VKORC1L1: variants seen among roughly 807,000 people sequenced by gnomAD.
VKORC1L1 encodes vitamin K epoxide reductase complex subunit 1L1.
In VKORC1L1, 2 loss-of-function variants were observed where a neutral mutation model predicts 18.9. That is an observed-to-expected ratio of 0.11 (90% CI 0.04 to 0.33). The LOEUF (loss-of-function observed/expected upper bound fraction) is 0.33. VKORC1L1 is among the 10% of genes least tolerant of loss of function. The pLI, the probability that VKORC1L1 is intolerant of heterozygous loss-of-function variation, is 1.00. For missense variants in VKORC1L1, 123 were observed against 224.1 expected (o/e 0.55, Z 2.88); for synonymous variants, 96 against 100.0 (o/e 0.96, Z 0.24).
chr7:65,904,494 C>G (rs746719404), intron 1 of VKORC1L1, among the ~76,000 whole-genome samples: 1 of 152,130 alleles, frequency 6.6e-6, no homozygotes, highest in Non-Finnish European at 1.5e-5. Flanking sequence ...CGTGAGCTAC[C>G]GTGCCTGGCA....
chr7:65,899,040 A>T (rs528723868), intron 1 of VKORC1L1, among the ~76,000 whole-genome samples: 1 of 152,372 alleles, frequency 6.6e-6, no homozygotes, highest in African/African-American at 2.4e-5. Context: ...TAAAGTAAAA[A>T]GACATGACCT....
chr7:65,945,409 A>C (rs1218194341), intron 1 of VKORC1L1, among the ~76,000 whole-genome samples: 1 of 152,126 alleles, frequency 6.6e-6, no homozygotes, highest in Non-Finnish European at 1.5e-5. Flanking sequence ...CAGCAGATCG[A>C]GACCATCTTG....
At chr7:65,944,027 C>A (rs1195168123) in intron 1 of VKORC1L1, among the ~76,000 whole-genome samples, 1 of 152,080 alleles carries the variant, frequency 6.6e-6, no homozygotes, top group Non-Finnish European at 1.5e-5. Flanking sequence ...GCCTGTAATC[C>A]CAGCACTTTG....
chr7:65,868,368 G>A (rs368561932), upstream of VKORC1L1, among the ~76,000 whole-genome samples: 26 of 152,230 alleles, frequency 1.7e-4, no homozygotes, highest in African/African-American at 4.1e-4. Context: ...CTTATACACC[G>A]TTGGTGGGAA....
At chr7:65,918,128 C>T (rs1023662969) in intron 1 of VKORC1L1, among the ~76,000 whole-genome samples, 4 of 152,146 alleles carry the variant, frequency 2.6e-5, no homozygotes, top group Non-Finnish European at 4.4e-5. Flanking sequence ...TTCCCTACCC[C>T]GCAACCTCCT....
intron 1 of VKORC1L1, among the ~76,000 whole-genome samples, chr7:65,888,912 C>T (rs935400118): frequency 1.3e-5 from 2 of 152,126 alleles, no homozygotes; most frequent in African/African-American, 4.8e-5. Context: ...TGTGTCAAGT[C>T]AGCTAGAAAG....
chr7:65,874,690 C>T (rs1212706651), intron 1 of VKORC1L1, among the ~76,000 whole-genome samples: 2 of 152,072 alleles, frequency 1.3e-5, no homozygotes, highest in African/African-American at 4.8e-5. Flanking sequence ...CCTATAGTCC[C>T]AGCTACTCGG....
chr7:65,945,959 G>A (rs1215196597), intron 1 of VKORC1L1, among the ~76,000 whole-genome samples: 3 of 142,888 alleles, frequency 2.1e-5, no homozygotes, highest in African/African-American at 7.8e-5. Flanking sequence ...GATGAGTAGG[G>A]CTAAGAGGTT....
At chr7:65,917,489 A>G (rs1301153638) in intron 1 of VKORC1L1, among the ~76,000 whole-genome samples, 5 of 152,108 alleles carry the variant, frequency 3.3e-5, no homozygotes, top group East Asian at 1.9e-4. Context: ...CAGACTTTTC[A>G]TGTTCCTCTG....
intron 1 of VKORC1L1, among the ~76,000 whole-genome samples, chr7:65,920,724 G>A (rs1194433250): frequency 6.6e-6 from 1 of 151,920 alleles, no homozygotes; most frequent in Non-Finnish European, 1.5e-5. Flanking sequence ...GGCCAGGCAC[G>A]GTGGTATGCG....
intron 2 of VKORC1L1, among the ~76,000 whole-genome samples, chr7:65,950,844 G>A (rs1790201280): frequency 6.6e-6 from 1 of 152,226 alleles, no homozygotes; most frequent in African/African-American, 2.4e-5. Flanking sequence ...AAAGGGTCGG[G>A]TGGTTGGGGA....
chr7:65,923,208 C>A (rs1012139414), intron 1 of VKORC1L1, among the ~76,000 whole-genome samples: 1 of 152,066 alleles, frequency 6.6e-6, no homozygotes, highest in Non-Finnish European at 1.5e-5. Context: ...TCAAGACCAG[C>A]CTGGGCAACA....
At chr7:65,953,990 A>G (rs543656862) in intron 2 of VKORC1L1, 84 bp from the exon 3 acceptor site, 6 of 1,219,414 alleles carry the variant, frequency 4.9e-6, no homozygotes, top group African/African-American at 1.5e-5. Flanking sequence ...CACTGCAGCA[A>G]GTCACACAGT....
At position 65,873,530 on chromosome 7, in the gene VKORC1L1, G is replaced by T. The variant is rs763000895; in HGVS notation, c.159G>T (p.Gly53=). 4 of 1,579,916 alleles carry T rather than the reference G, an allele frequency of 2.5e-6. No homozygotes were observed. The highest frequency in any genetic ancestry group is 2.4e-5 in the East Asian group (1 of 42,552). ...AGCACCGGGCCCTCTGCGACCTGGG[G>T]CCCTGGGTGAAGTGCTCCGCCGCCC... ...DPEHRALCDL[G]PWVKCSAALA... The change falls in exon 1 of 3, where the codon GGG becomes GGT. Residue 53 remains glycine, a synonymous_variant. Coordinates refer to ENST00000360768, the MANE Select transcript of VKORC1L1 (RefSeq NM_173517.6).
chr7:65,884,959 C>T (rs778424846), intron 1 of VKORC1L1, among the ~76,000 whole-genome samples: 8 of 152,010 alleles, frequency 5.3e-5, no homozygotes, highest in Non-Finnish European at 2.9e-5. Flanking sequence ...TTGATTTAGA[C>T]GAATGCTAGT....
At chr7:65,951,618 A>C (rs1790215501) in intron 2 of VKORC1L1, among the ~76,000 whole-genome samples, 1 of 151,882 alleles carries the variant, frequency 6.6e-6, no homozygotes, top group African/African-American at 2.4e-5. Context: ...AATGTTACAC[A>C]AAGAAAAATC....
chr7:65,867,176 A>T, the VKORC1L1 span, among the ~76,000 whole-genome samples: 1 of 151,958 alleles, frequency 6.6e-6, no homozygotes, highest in African/African-American at 2.4e-5. Context: ...ACAGAGGGAG[A>T]CTCCATCACT....
chr7:65,915,858 T>A (rs1789580706), intron 1 of VKORC1L1, among the ~76,000 whole-genome samples: 1 of 152,108 alleles, frequency 6.6e-6, no homozygotes, highest in Non-Finnish European at 1.5e-5. Context: ...GGCTCACACC[T>A]GTAATCCCAG....
At chr7:65,933,927 T>C (rs1002945744) in intron 1 of VKORC1L1, among the ~76,000 whole-genome samples, 1 of 152,248 alleles carries the variant, frequency 6.6e-6, no homozygotes, top group Non-Finnish European at 1.5e-5. Context: ...ATCTTACAAC[T>C]ATTAATATAA....
Sources: allele counts gnomAD v4.1 joint callset (sites outside exome capture counted in the v4.1 genomes callset), GRCh38; gene constraint gnomAD v4.1.1; transcripts MANE v1.5; gene names NCBI Gene and HGNC (gene_info 2026-07-23, HGNC 2026-07-21).